Variants in RBFOX1 observed in about 807,000 individuals in gnomAD.
RBFOX1 encodes the protein RNA binding fox-1 homolog 1, also known as RNA binding protein fox-1 homolog 1.
A neutral mutation model predicts 57.7 loss-of-function variants in RBFOX1; 8 were observed. The ratio of observed to expected loss-of-function variants is 0.14; its 90% CI spans 0.08 to 0.25. The LOEUF is 0.25. Ranked by LOEUF, RBFOX1 falls within the 10% of genes least tolerant of loss-of-function variation. The probability of loss-of-function intolerance (pLI) is 1.00; values close to 1 mark genes in which losing one functional copy is unlikely to be tolerated. For synonymous variants in RBFOX1, 326 were observed against 222.4 expected, an observed-to-expected ratio of 1.47 and a Z score of -4.15; for missense variants, 611 against 548.5, an observed-to-expected ratio of 1.11 and a Z score of -1.14.
chr16:6,630,937 T>A (rs1009970830), intron 2 of RBFOX1, among the ~76,000 whole-genome samples: 8 of 152,076 alleles, frequency 5.3e-5, no homozygotes, highest in African/African-American at 7.2e-5. Context: ...ATTAAAAAAA[T>A]GTTTTAAAGT....
chr16:5,387,575 G>C (rs935025394), intron 1 of RBFOX1, among the ~76,000 whole-genome samples: 1 of 152,152 alleles, frequency 6.6e-6, no homozygotes, highest in Non-Finnish European at 1.5e-5. Context: ...ATAAGTGCTT[G>C]GATTTATATT....
intron 1 of RBFOX1, among the ~76,000 whole-genome samples, chr16:6,150,694 C>G (rs1028189427): frequency 1.3e-5 from 2 of 152,176 alleles, no homozygotes; most frequent in East Asian, 1.9e-4. Context: ...TTCCCTTCCT[C>G]TTTCCACGGC....
Position 5,773,739 on chromosome 16 carries a change from C to T in RBFOX1, c.319-93564C>T, listed in dbSNP as rs541753365. ...TTGAGACAGAGTCTCGCTCTGTTGC[C>T]CAGGCTGGAGTGCAGTGGTGTGATC... On this transcript the variant is annotated intron_variant, in intron 3 of 19. Transcript: ENST00000641259. Among the ~76,000 whole-genome samples the T allele has an allele frequency of 2.6e-5, 4 of 152,198 alleles. No homozygotes were observed. In the East Asian group the frequency reaches 7.7e-4, roughly 29 times the overall value.
intron 2 of RBFOX1, among the ~76,000 whole-genome samples, chr16:6,333,639 T>C (rs1315181152): frequency 6.6e-6 from 1 of 152,180 alleles, no homozygotes. Flanking sequence ...AATATATATA[T>C]CAGAAATGGA....
intron 2 of RBFOX1, among the ~76,000 whole-genome samples, chr16:6,441,158 G>A (rs1450748891): frequency 6.6e-6 from 1 of 152,096 alleles, no homozygotes; most frequent in Non-Finnish European, 1.5e-5. Flanking sequence ...CCTGGGGGGT[G>A]GTGAGTGGAT....
At chr16:7,404,122 G>A (rs895146391) in intron 4 of RBFOX1, among the ~76,000 whole-genome samples, 6 of 149,692 alleles carry the variant, frequency 4.0e-5, no homozygotes, top group African/African-American at 9.8e-5. Flanking sequence ...ACTCATTCTC[G>A]GCTCACTGCT....
In RBFOX1 at chr16:7,504,752, TA is replaced by T. The variant is rs2072464922; in HGVS notation, c.28-13394del. Among the ~76,000 whole-genome samples the T allele has an allele frequency of 4.1e-3, 25 of 6,136 alleles. 2 individuals carry two copies. Among genetic ancestry groups the T allele is most frequent in the South Asian group, 6.0e-3 (1 of 166 alleles). The allele number at this position is 6,136 out of a possible 152,430, so 4.0% of individuals were successfully genotyped here. On this transcript the variant is annotated intron_variant, in intron 4 of 15. Transcript: ENST00000550418. ...ATATATATATATATATATATATATA[TA>T]TTTATATATATATATATTTATATAT...
chr16:6,939,521 T>A (rs2153493859), intron 3 of RBFOX1, among the ~76,000 whole-genome samples: 1 of 151,426 alleles, frequency 6.6e-6, no homozygotes, highest in East Asian at 1.9e-4. Flanking sequence ...TTTTTTTTTC[T>A]TTTTTTTGAG....
intron 2 of RBFOX1, among the ~76,000 whole-genome samples, chr16:6,432,516 A>C (rs888058336): frequency 2.1e-5 from 3 of 143,844 alleles, no homozygotes; most frequent in Non-Finnish European, 4.5e-5. Flanking sequence ...TACTAAAAAT[A>C]CAAAAAAAAA....
intron 4 of RBFOX1, among the ~76,000 whole-genome samples, chr16:5,952,319 C>A (rs1447800391): frequency 6.6e-6 from 1 of 151,754 alleles, no homozygotes; most frequent in African/African-American, 2.4e-5. Context: ...CCTGGTTAAT[C>A]TTTGTATTTT....
At chr16:5,346,743 A>G (rs1249851135) in intron 1 of RBFOX1, among the ~76,000 whole-genome samples, 3 of 152,158 alleles carry the variant, frequency 2.0e-5, no homozygotes, top group African/African-American at 7.2e-5. Flanking sequence ...TGTAACGGTT[A>G]AGAGCATGGC....
chr16:6,607,919 A>G (rs1292136362), intron 2 of RBFOX1, among the ~76,000 whole-genome samples: 1 of 152,196 alleles, frequency 6.6e-6, no homozygotes, highest in African/African-American at 2.4e-5. Flanking sequence ...CAACATACTG[A>G]AATAGAATAT....
At chr16:6,632,556 C>G (rs2098398317) in intron 2 of RBFOX1, among the ~76,000 whole-genome samples, 1 of 152,112 alleles carries the variant, frequency 6.6e-6, no homozygotes, top group African/African-American at 2.4e-5. Flanking sequence ...TGTCTTTTAC[C>G]AATGTTGATG....
intron 1 of RBFOX1, among the ~76,000 whole-genome samples, chr16:6,117,103 A>G (rs1372636448): frequency 6.6e-6 from 1 of 152,160 alleles, no homozygotes; most frequent in Non-Finnish European, 1.5e-5. Flanking sequence ...TTCTTGGAGT[A>G]GTTGTAGATA....
chr16:6,768,336 T>A (rs62016067), intron 3 of RBFOX1, among the ~76,000 whole-genome samples: 17,443 of 152,066 alleles, frequency 0.11, 1,194 homozygotes, highest in African/African-American at 0.19. Flanking sequence ...TAAAAAGTAT[T>A]TCAAAAATTT....
At chr16:5,674,386 G>T (rs912185113) in intron 3 of RBFOX1, among the ~76,000 whole-genome samples, 1 of 152,170 alleles carries the variant, frequency 6.6e-6, no homozygotes, top group African/African-American at 2.4e-5. Context: ...GTTTGCAAGT[G>T]GGGGAGCTGA....
At chr16:6,066,641 A>C (rs1273604098) in intron 1 of RBFOX1, among the ~76,000 whole-genome samples, 3 of 152,168 alleles carry the variant, frequency 2.0e-5, no homozygotes, top group Non-Finnish European at 4.4e-5. Context: ...TTGGATTCTC[A>C]GGATAGCTGA....
At chr16:5,981,476 A>T (rs1383758478) in intron 4 of RBFOX1, among the ~76,000 whole-genome samples, 1 of 152,004 alleles carries the variant, frequency 6.6e-6, no homozygotes, top group African/African-American at 2.4e-5. Flanking sequence ...TTATTTTATT[A>T]TTTTATTTTT....
chr16:6,591,528 G>T (rs752463474), intron 2 of RBFOX1, among the ~76,000 whole-genome samples: 2 of 152,146 alleles, frequency 1.3e-5, no homozygotes, highest in Admixed American at 1.3e-4. Flanking sequence ...ACAGCAGGGC[G>T]ACCCCTGCCT....
Sources: gnomAD v4.1 joint callset for allele counts (sites outside exome capture counted in the v4.1 genomes callset) on GRCh38, gnomAD v4.1.1 for gene constraint, MANE v1.5 for transcripts, NCBI Gene and HGNC (gene_info 2026-07-23, HGNC 2026-07-21) for gene names.